ERBB4: variants seen among roughly 807,000 people sequenced by gnomAD.
The protein encoded by ERBB4 is receptor tyrosine-protein kinase erbB-4.
A neutral mutation model predicts 158.0 loss-of-function variants in ERBB4; 42 were observed. The observed-to-expected ratio is 0.27, with a 90% CI of 0.21 to 0.34. The LOEUF is 0.34. Among genes scored for constraint, ERBB4 ranks in the 10% least tolerant of loss-of-function variants. The pLI is 1.00. For synonymous variants in ERBB4, 583 were observed against 558.7 expected, an observed-to-expected ratio of 1.04 and a Z score of -0.61; for missense variants, 1,333 against 1,624.1, an observed-to-expected ratio of 0.82 and a Z score of 3.08.
chr2:211,457,467 T>C (rs1574524940), intron 20 of ERBB4, among the ~76,000 whole-genome samples: 3 of 152,144 alleles, frequency 2.0e-5, no homozygotes, highest in South Asian at 2.1e-4. Context: ...AAGACTCTCA[T>C]TGAGGAATAG....
At chr2:211,861,131 T>TATATATTATATA (rs2078030067) in intron 3 of ERBB4, among the ~76,000 whole-genome samples, 7 of 30,822 alleles carry the variant, frequency 2.3e-4, no homozygotes, top group Admixed American at 4.5e-4. Flanking sequence ...ATTTTATATA[T>TATATATTATATA]ATATATATAT....
intron 20 of ERBB4, among the ~76,000 whole-genome samples, chr2:211,475,354 A>C (rs919962426): frequency 2.6e-5 from 4 of 152,094 alleles, no homozygotes; most frequent in African/African-American, 7.2e-5. Context: ...TAACTACTTG[A>C]TGACAATAAT....
At chr2:212,231,841 C>G (rs1261132009) in intron 1 of ERBB4, among the ~76,000 whole-genome samples, 1 of 152,210 alleles carries the variant, frequency 6.6e-6, no homozygotes, top group Non-Finnish European at 1.5e-5. Flanking sequence ...TTCTACTAAC[C>G]TTTTTCTTCA....
intron 1 of ERBB4, among the ~76,000 whole-genome samples, chr2:212,462,290 G>A (rs549679558): frequency 6.6e-6 from 1 of 152,212 alleles, no homozygotes; most frequent in East Asian, 1.9e-4. Flanking sequence ...TTTCTGCATA[G>A]TAAAAGAAAC....
Position 211,763,328 on chromosome 2 carries a change from T to C in ERBB4, c.557-12624A>G, listed in dbSNP as rs1033026844. On this transcript the variant is annotated intron_variant, in intron 4 of 27. Coordinates refer to ENST00000342788, the MANE Select transcript of ERBB4 (RefSeq NM_005235.3). The stretch of plus-strand genomic sequence containing the variant: ...GGCTTCCACTTGATAGTTCCAAGAA[T>C]AGAAATATCTCCTATATAAATTCAT... 3.9e-5 allele frequency among the ~76,000 whole-genome samples: 6 copies of C among 152,160 alleles called. No individual in the cohort carries two copies. The East Asian group carries it at 5.8e-4, about 15-fold the overall frequency.
intron 3 of ERBB4, among the ~76,000 whole-genome samples, chr2:211,824,184 T>C (rs574473257): frequency 6.6e-6 from 1 of 152,028 alleles, no homozygotes; most frequent in Non-Finnish European, 1.5e-5. Context: ...CCTTTCATCC[T>C]TCCCCTTAAG....
chr2:211,694,934 A>G (rs1574999977), intron 12 of ERBB4, among the ~76,000 whole-genome samples: 1 of 152,232 alleles, frequency 6.6e-6, no homozygotes. Flanking sequence ...TTTTCTTAAA[A>G]TAAGGTAAAT....
At chr2:212,404,967 A>T (rs534751245) in intron 1 of ERBB4, among the ~76,000 whole-genome samples, 1 of 152,152 alleles carries the variant, frequency 6.6e-6, no homozygotes, top group South Asian at 2.1e-4. Context: ...CCATGTCCCC[A>T]CAAAATACAT....
intron 16 of ERBB4, among the ~76,000 whole-genome samples, chr2:211,631,510 T>A (rs914318956): frequency 1.3e-5 from 2 of 152,302 alleles, no homozygotes; most frequent in Middle Eastern, 3.4e-3. Context: ...CAAAAAGGGA[T>A]TAAGAAGAGA....
chr2:211,803,316 A>T (rs1441228336), intron 3 of ERBB4, among the ~76,000 whole-genome samples: 5 of 152,188 alleles, frequency 3.3e-5, no homozygotes, highest in Non-Finnish European at 7.4e-5. Context: ...TAACACTAAG[A>T]CCATAAAACT....
chr2:211,855,070 T>C (rs1282435853), intron 3 of ERBB4, among the ~76,000 whole-genome samples: 1 of 143,714 alleles, frequency 7.0e-6, no homozygotes, highest in Non-Finnish European at 1.6e-5. Context: ...ACACTCTTAC[T>C]TTAATTTGCT....
At chr2:212,055,234 G>A (rs2077519876) in intron 2 of ERBB4, among the ~76,000 whole-genome samples, 1 of 152,236 alleles carries the variant, frequency 6.6e-6, no homozygotes, top group Admixed American at 6.5e-5. Flanking sequence ...CTGCAAGGCA[G>A]CAGTGAGTCT....
At chr2:212,190,333 C>A (rs538149239) in intron 1 of ERBB4, among the ~76,000 whole-genome samples, 13 of 151,958 alleles carry the variant, frequency 8.6e-5, no homozygotes, top group Non-Finnish European at 1.8e-4. Flanking sequence ...TCAGGAGATC[C>A]AGACCATCCT....
chr2:212,191,988 T>C (rs1227360981), intron 1 of ERBB4, among the ~76,000 whole-genome samples: 2 of 115,298 alleles, frequency 1.7e-5, no homozygotes, highest in African/African-American at 7.0e-5. Flanking sequence ...ATATGTTATA[T>C]GTTATATATG....
At chr2:211,591,271 T>G (rs1312848158) in intron 19 of ERBB4, among the ~76,000 whole-genome samples, 1 of 152,240 alleles carries the variant, frequency 6.6e-6, no homozygotes, top group Admixed American at 6.5e-5. Context: ...AACATCCATT[T>G]ATCTGCCAAC....
chr2:212,233,363 A>G (rs771684098), intron 1 of ERBB4, among the ~76,000 whole-genome samples: 7 of 152,144 alleles, frequency 4.6e-5, no homozygotes, highest in Non-Finnish European at 7.4e-5. Context: ...ATATATGTAT[A>G]TATTTGAAAG....
intron 4 of ERBB4, among the ~76,000 whole-genome samples, chr2:211,769,667 G>A (rs1454536655): frequency 6.6e-6 from 1 of 152,162 alleles, no homozygotes; most frequent in East Asian, 1.9e-4. Flanking sequence ...TGTGGCCAAA[G>A]TGGCCAAAGG....
At chr2:211,426,424 G>GCAAT (rs1312807774) in intron 22 of ERBB4, among the ~76,000 whole-genome samples, 2 of 152,124 alleles carry the variant, frequency 1.3e-5, no homozygotes, top group African/African-American at 4.8e-5. Flanking sequence ...AACGCCTTTT[G>GCAAT]CAATCAACTA....
intron 1 of ERBB4, among the ~76,000 whole-genome samples, chr2:212,249,193 A>G (rs1491000959): frequency 6.6e-6 from 1 of 152,098 alleles, no homozygotes; most frequent in Non-Finnish European, 1.5e-5. Context: ...AATCATCAAA[A>G]TATTGGTGGG....
Sources: gnomAD v4.1 joint callset for allele counts (sites outside exome capture counted in the v4.1 genomes callset) on GRCh38, gnomAD v4.1.1 for gene constraint, MANE v1.5 for transcripts, NCBI Gene and HGNC (gene_info 2026-07-23, HGNC 2026-07-21) for gene names.